SCIMP: variants seen among roughly 807,000 people sequenced by gnomAD.
The protein encoded by SCIMP is SLP adaptor and CSK interacting membrane protein, also known as SLP adapter and CSK-interacting membrane protein.
SCIMP carries 18 observed loss-of-function variants against 22.0 expected under a neutral mutation model. The ratio of observed to expected loss-of-function variants is 0.82; its 90% CI spans 0.56 to 1.21. SCIMP has a LOEUF of 1.21. Ranked by LOEUF, SCIMP falls within the 50% of genes most tolerant of loss-of-function variation. SCIMP has a pLI of 0.00. For synonymous variants in SCIMP, 53 were observed against 62.2 expected (o/e 0.85, Z 0.70); for missense variants, 155 against 171.2 (o/e 0.91, Z 0.53).
rs1252330912 is a variant in SCIMP, at chr17:5,210,817, TCA to T, written c.420_421del (p.Glu141LysfsTer24). The T allele has an allele frequency of 6.2e-7, 1 of 1,607,278 alleles. No individual in the cohort carries two copies. Among genetic ancestry groups the T allele is most frequent in the Non-Finnish European group, 8.5e-7 (1 of 1,178,480 alleles). On this transcript the variant is annotated frameshift_variant, in exon 5 of 5. Coordinates refer to ENST00000574081, the MANE Select transcript of SCIMP (RefSeq NM_207103.3). LOFTEE classifies it high-confidence loss of function. ...ATGGCTGTTTCAAAATGATGCTTTT[TCA>T]GTATTTGCAGGGATTTCAACATCGT...
intron 1 of SCIMP, among the ~76,000 whole-genome samples, chr17:5,233,147 C>CT (rs536609650): frequency 5.3e-5 from 8 of 152,272 alleles, no homozygotes; most frequent in African/African-American, 1.9e-4. Flanking sequence ...CTTCCCTTCT[C>CT]TATACTTTCA....
intron 1 of SCIMP, among the ~76,000 whole-genome samples, chr17:5,231,502 C>A (rs748694425): frequency 6.6e-6 from 1 of 152,128 alleles, no homozygotes; most frequent in Admixed American, 6.6e-5. Flanking sequence ...GTCAGAGCGC[C>A]AAAAACTCCA....
intron 3 of SCIMP, among the ~76,000 whole-genome samples, chr17:5,217,589 T>C (rs1408573847): frequency 8.9e-6 from 1 of 112,040 alleles, no homozygotes; most frequent in Admixed American, 1.3e-4. Context: ...CAGTCCCCGG[T>C]GTGTGATGTT....
chr17:5,231,312 A>T (rs2074692180), intron 1 of SCIMP, among the ~76,000 whole-genome samples: 1 of 151,884 alleles, frequency 6.6e-6, no homozygotes, highest in Admixed American at 6.6e-5. Flanking sequence ...AGCCTCCAGG[A>T]TCACGCCATT....
chr17:5,212,612 C>T (rs759082625), intron 4 of SCIMP, among the ~76,000 whole-genome samples: 32 of 151,904 alleles, frequency 2.1e-4, no homozygotes, highest in African/African-American at 3.6e-4. Flanking sequence ...CCAGCCTGGG[C>T]GACAGACCGA....
chr17:5,211,405 T>C (rs905692745), intron 4 of SCIMP, among the ~76,000 whole-genome samples: 4 of 151,852 alleles, frequency 2.6e-5, no homozygotes, highest in African/African-American at 9.7e-5. Flanking sequence ...ATGCCTATAG[T>C]CCCAGCTAAT....
chr17:5,232,462 T>C (rs1188606707), intron 1 of SCIMP, among the ~76,000 whole-genome samples: 1 of 107,754 alleles, frequency 9.3e-6, no homozygotes, highest in Non-Finnish European at 1.8e-5. Context: ...CCACAGAGGC[T>C]GCAGGCCCAT....
intron 1 of SCIMP, chr17:5,233,839 G>A (rs2074721904): frequency 6.6e-6 from 1 of 152,208 alleles, no homozygotes; most frequent in African/African-American, 2.4e-5. Context: ...AAAAGCAGAT[G>A]GCTACACCGA....
chr17:5,216,747 T>C (rs1005463401), intron 3 of SCIMP, among the ~76,000 whole-genome samples: 9 of 152,088 alleles, frequency 5.9e-5, no homozygotes, highest in African/African-American at 2.2e-4. Flanking sequence ...TGGGATGTAA[T>C]GGTTGAAAGG....
chr17:5,217,459 C>T (rs541359522), intron 3 of SCIMP, among the ~76,000 whole-genome samples: 58 of 151,388 alleles, frequency 3.8e-4, no homozygotes, highest in African/African-American at 1.3e-3. Context: ...ATGTGCACAA[C>T]GTGCAGGTTT....
rs775981947 is a variant in SCIMP at position 5,215,626 on chromosome 17, T to C, written c.210-628A>G. Among the ~76,000 whole-genome samples the C allele has an allele frequency of 6.0e-4, 91 of 151,200 alleles. 1 individual carries two copies. The highest frequency in any genetic ancestry group is 2.3e-3 in the South Asian group (11 of 4,772). On this transcript the variant is annotated intron_variant, in intron 3 of 4. Coordinates refer to ENST00000574081, the MANE Select transcript of SCIMP (RefSeq NM_207103.3). ...GAGACTCTGTCTCAAAACAAACAAATAAAAAAACAAAAAACAAAAGCAGAT... is the reference window on the plus strand; with the variant it reads ...GAGACTCTGTCTCAAAACAAACAAACAAAAAAACAAAAAACAAAAGCAGAT...
In SCIMP at chr17:5,221,272, T is replaced by G. The variant is rs764029497; in HGVS notation, c.209+15A>C. The G allele has an allele frequency of 3.8e-6, 6 of 1,597,304 alleles. No individual in the cohort carries two copies. Among genetic ancestry groups the G allele is most frequent in the Non-Finnish European group, 5.2e-6 (6 of 1,164,864 alleles). On this transcript the variant is annotated intron_variant, in intron 3 of 4. Coordinates refer to ENST00000574081, the MANE Select transcript of SCIMP (RefSeq NM_207103.3). ...TTCTCAACAGTAAAAAGCGGAAGGA[T>G]TCCCCCCTACTTACTCATACATCTT...
intron 3 of SCIMP, 165 bp downstream of exon 3, chr17:5,221,122 T>C: frequency 1.4e-6 from 1 of 710,160 alleles, no homozygotes. Context: ...GACAATGTCC[T>C]GAGTCTCTGC....
chr17:5,224,250 T>G (rs2074630582), intron 1 of SCIMP, among the ~76,000 whole-genome samples: 1 of 151,828 alleles, frequency 6.6e-6, no homozygotes, highest in African/African-American at 2.4e-5. Context: ...TTCTCCTGCC[T>G]CAGCCTCCCG....
Position 5,210,694 on chromosome 17 carries a change from C to A in SCIMP, c.*107G>T. 2 of 1,433,768 alleles carry A rather than the reference C, an allele frequency of 1.4e-6. No individual in the cohort carries two copies. Among genetic ancestry groups the A allele is most frequent in the Non-Finnish European group, 1.9e-6 (2 of 1,065,112 alleles). The allele number at this position is 1,433,768 out of a possible 1,614,324, so 88.8% of individuals were successfully genotyped here. On this transcript the variant is annotated 3_prime_UTR_variant, in exon 5 of 5. Transcript: ENST00000574081. ...CTTATAGAGCTTCATAAAATCACCA[C>A]TGGCTTTCAGGGCCCAGAGACCTAC...
intron 4 of SCIMP, chr17:5,213,348 G>T: frequency 1.8e-6 from 1 of 568,674 alleles, no homozygotes; most frequent in Non-Finnish European, 2.2e-6. Flanking sequence ...CCAGGCTCAA[G>T]CGATCCCCCC....
chr17:5,214,897 G>A, intron 4 of SCIMP, 28 bp downstream of exon 4: 1 of 760,378 alleles, frequency 1.3e-6, no homozygotes, highest in Non-Finnish European at 2.2e-6. Context: ...TACCCTAAAT[G>A]AAACTGCTAC....
At chr17:5,233,751 A>G (rs1365535128) in intron 1 of SCIMP, 1 of 152,294 alleles carries the variant, frequency 6.6e-6, no homozygotes, top group East Asian at 1.9e-4. Flanking sequence ...CTCAGGGACA[A>G]GTGGACACAC....
intron 1 of SCIMP, among the ~76,000 whole-genome samples, chr17:5,231,075 A>G (rs2074690114): frequency 6.6e-6 from 1 of 152,088 alleles, no homozygotes; most frequent in African/African-American, 2.4e-5. Context: ...GTTGTTTTTC[A>G]AGGGCTGGGC....
Sources: gnomAD v4.1 joint callset for allele counts (sites outside exome capture counted in the v4.1 genomes callset) on GRCh38, gnomAD v4.1.1 for gene constraint, MANE v1.5 for transcripts, NCBI Gene and HGNC (gene_info 2026-07-23, HGNC 2026-07-21) for gene names.